Variants in CCDC183 observed in about 807,000 individuals in gnomAD.
CCDC183 encodes coiled-coil domain containing 183.
A neutral mutation model predicts 65.2 loss-of-function variants in CCDC183; 63 were observed. That is an observed-to-expected ratio of 0.97 (90% CI 0.79 to 1.19). CCDC183 has a LOEUF of 1.19. Ranked by LOEUF, CCDC183 falls within the 50% of genes most tolerant of loss-of-function variation. CCDC183 has a pLI of 0.00. For synonymous variants in CCDC183, 323 were observed against 276.5 expected, an observed-to-expected ratio of 1.17 and a Z score of -1.67; for missense variants, 769 against 689.3, an observed-to-expected ratio of 1.12 and a Z score of -1.30.
chr9:136,806,428 G>A, intron 10 of CCDC183, 76 bp from the exon 11 acceptor site: 2 of 1,579,372 alleles, frequency 1.3e-6, no homozygotes, highest in Non-Finnish European at 1.7e-6. Flanking sequence ...CCCAACTCAG[G>A]ACTGGGCTCC....
intron 10 of CCDC183, 35 bp downstream of exon 10, chr9:136,806,273 C>T (rs1222066789): frequency 1.9e-6 from 3 of 1,566,344 alleles, no homozygotes; most frequent in African/African-American, 1.4e-5. Flanking sequence ...GGCCACCCAC[C>T]CCAGTCTCAC....
chr9:136,796,879 C>G (rs1025048300), intron 1 of CCDC183, among the ~76,000 whole-genome samples: 6 of 152,176 alleles, frequency 3.9e-5, no homozygotes, highest in South Asian at 2.1e-4. Context: ...GGTTTCCCCC[C>G]ACTGAGACAG....
chr9:136,800,301 C>A, intron 4 of CCDC183, 88 bp from the exon 5 acceptor site: 2 of 1,459,376 alleles, frequency 1.4e-6, no homozygotes, highest in South Asian at 1.3e-5. Context: ...GCTAAGAGAG[C>A]ACGACCCTCT....
Position 136,796,446 on chromosome 9 carries a change from A to G in CCDC183, c.49A>G (p.Lys17Glu). 1 of 1,574,806 alleles carries G rather than the reference A, an allele frequency of 6.3e-7. No homozygotes were observed. Among genetic ancestry groups the G allele is most frequent in the Middle Eastern group, 1.9e-4 (1 of 5,400 alleles). The change falls in exon 1 of 14, where the codon AAG becomes GAG. Residue 17 changes from lysine to glutamate, a missense_variant. Coordinates refer to ENST00000338005, the MANE Select transcript of CCDC183 (RefSeq NM_001039374.5). ...TDVEEQTQEL[K>E]TITQLQEQCR... ...TGTGGAAGAGCAGACCCAGGAGCTG[A>G]AGACCATCACTCAGCTCCAGGGTGA...
intron 2 of CCDC183, 164 bp from the exon 3 acceptor site, chr9:136,799,549 G>A: frequency 1.4e-6 from 1 of 701,530 alleles, no homozygotes; most frequent in Non-Finnish European, 2.4e-6. Context: ...TCCGAACTTG[G>A]ATGGCCAGGA....
At chr9:136,800,211 G>A (rs1564348605) in intron 4 of CCDC183, 42 bp downstream of exon 4, 1 of 1,404,440 alleles carries the variant, frequency 7.1e-7, no homozygotes, top group Non-Finnish European at 9.6e-7. Context: ...AGTCCACTGG[G>A]GCAAGACTCA....
At position 136,805,663 on chromosome 9, in the gene CCDC183, T is replaced by A. The variant is rs1339854285; in HGVS notation, c.948+206T>A. The A allele has an allele frequency of 1.0e-4, 59 of 570,976 alleles. 1 individual carries two copies. The East Asian group carries it at 1.7e-3, about 16-fold the overall frequency. The allele number at this position is 570,976 out of a possible 1,614,324, so 35.4% of individuals were successfully genotyped here. The stretch of plus-strand genomic sequence containing the variant: ...CTTAATCCCATCTGTGTATCTGCGT[T>A]TATTATTATTAGGCCTTGAGCTCCT... On this transcript the variant is annotated intron_variant, in intron 9 of 13. Coordinates refer to ENST00000338005, the MANE Select transcript of CCDC183 (RefSeq NM_001039374.5).
At chr9:136,802,559 G>C in intron 5 of CCDC183, 105 bp from the exon 6 acceptor site, 1 of 1,466,592 alleles carries the variant, frequency 6.8e-7, no homozygotes, top group Non-Finnish European at 9.1e-7. Context: ...TGGGGCCACA[G>C]AGGAGAACCT....
At chr9:136,801,081 C>T (rs989701550) in intron 5 of CCDC183, among the ~76,000 whole-genome samples, 1 of 152,196 alleles carries the variant, frequency 6.6e-6, no homozygotes, top group Non-Finnish European at 1.5e-5. Flanking sequence ...TGGAAACACC[C>T]TCACCCTAAG....
At chr9:136,803,992 T>G (rs1055536525) in intron 6 of CCDC183, 1 of 165,608 alleles carries the variant, frequency 6.0e-6, no homozygotes, top group African/African-American at 2.4e-5. Flanking sequence ...GCTGATCACC[T>G]GGGTATACCC....
chr9:136,806,438 C>T, intron 10 of CCDC183, 66 bp from the exon 11 acceptor site: 1 of 1,598,900 alleles, frequency 6.3e-7, no homozygotes, highest in Non-Finnish European at 8.5e-7. Context: ...GACTGGGCTC[C>T]TGGGTGGCCC....
chr9:136,802,233 C>T (rs969730887), intron 5 of CCDC183, among the ~76,000 whole-genome samples: 4 of 105,742 alleles, frequency 3.8e-5, no homozygotes, highest in Non-Finnish European at 7.9e-5. Context: ...CAAATGGGGA[C>T]ACAGAGAGAT....
Position 136,806,514 on chromosome 9 carries a change from GT to G in CCDC183, c.1122del (p.Glu375ArgfsTer4). 1.2e-6 allele frequency: 2 copies of G among 1,613,402 alleles called. No individual in the cohort carries two copies. The highest frequency in any genetic ancestry group is 1.7e-6 in the Non-Finnish European group (2 of 1,180,038). On this transcript the variant is annotated frameshift_variant, in exon 11 of 14. Transcript: ENST00000338005. LOFTEE classifies it high-confidence loss of function. Reference protein sequence around the residue: ...QKPSSISFKSVEKKMTDMLKE... With the variant: ...QKPSSISFKSXEKKMTDMLKE... The stretch of plus-strand genomic sequence containing the variant: ...TATTGCCTTCTGCAGCTTCAAGTCC[GT>G]TGAGAAGAAAATGACAGACATGCTA...
chr9:136,799,427 C>A, intron 2 of CCDC183: 1 of 907,462 alleles, frequency 1.1e-6, no homozygotes, highest in Non-Finnish European at 1.6e-6. Flanking sequence ...ACCACCCAAC[C>A]CGAGGGCTTG....
intron 1 of CCDC183, among the ~76,000 whole-genome samples, chr9:136,796,680 A>T (rs757488043): frequency 6.6e-6 from 1 of 152,226 alleles, no homozygotes; most frequent in Non-Finnish European, 1.5e-5. Flanking sequence ...GCTCACAGAA[A>T]CATGTGCTGT....
chr9:136,798,685 G>A (rs1220925221), intron 1 of CCDC183, among the ~76,000 whole-genome samples: 2 of 152,208 alleles, frequency 1.3e-5, no homozygotes, highest in African/African-American at 4.8e-5. Flanking sequence ...AGAGCTGGGA[G>A]AAGGGATCAA....
rs1425331705 is a variant in CCDC183 at position 136,799,704 on chromosome 9, G to C, written c.193-9G>C. ...GGCCCGCTCTAGCTCAGCCGCCGCC[G>C]CTCCGCAGTATGACCAGTGGACCAT... On this transcript the variant is annotated splice_polypyrimidine_tract_variant and intron_variant, in intron 2 of 13. Transcript: ENST00000338005. 5 of 1,611,942 alleles carry C rather than the reference G, an allele frequency of 3.1e-6. No homozygotes were observed. In the African/African-American group the frequency reaches 6.7e-5, roughly 22 times the overall value.
In CCDC183 at chr9:136,803,821, T is replaced by C. The variant is rs112464708; in HGVS notation, c.667-681T>C. The C allele has an allele frequency of 4.1e-4, 63 of 154,898 alleles. 2 individuals carry two copies. The highest frequency in any genetic ancestry group is 1.3e-3 in the African/African-American group (54 of 41,538). 9.6% of individuals were successfully genotyped at this position (154,898 alleles called of 1,614,324 possible). On this transcript the variant is annotated intron_variant, in intron 6 of 13. Coordinates refer to ENST00000338005, the MANE Select transcript of CCDC183 (RefSeq NM_001039374.5). ...AGCGTGTGGCCAGGGCAGTGGAGGC[T>C]GCAGAGGCACAGGCCCCAGGAGTCC...
At chr9:136,799,824 CT>C (rs1162068808) in intron 3 of CCDC183, 34 bp downstream of exon 3, 38 of 1,578,528 alleles carry the variant, frequency 2.4e-5, no homozygotes, top group Non-Finnish European at 3.3e-5. Flanking sequence ...AGACCCAACC[CT>C]CCCCACCCCT....
Sources: gnomAD v4.1 joint callset for allele counts (sites outside exome capture counted in the v4.1 genomes callset) on GRCh38, gnomAD v4.1.1 for gene constraint, MANE v1.5 for transcripts, NCBI Gene and HGNC (gene_info 2026-07-23, HGNC 2026-07-21) for gene names.